The following AP3S1 variants were observed in gnomAD, a reference collection of about 807,000 sequenced individuals.
The protein encoded by AP3S1 is AP-3 complex subunit sigma-1.
AP3S1 carries 12 observed loss-of-function variants against 21.3 expected under a neutral mutation model. That is an observed-to-expected ratio of 0.56 (90% CI 0.36 to 0.91). AP3S1 has a LOEUF of 0.91. Among genes scored for constraint, AP3S1 ranks in the 40% least tolerant of loss-of-function variants. The pLI is 0.01. For synonymous variants in AP3S1, 48 were observed against 78.4 expected (o/e 0.61, Z 2.05); for missense variants, 116 against 225.0 (o/e 0.52, Z 3.10).
At chr5:115,900,303 A>G (rs200334913) in intron 4 of AP3S1, among the ~76,000 whole-genome samples, 1 of 152,186 alleles carries the variant, frequency 6.6e-6, no homozygotes, top group East Asian at 1.9e-4. Context: ...AATTTTTAAT[A>G]TATTTGATTT....
At chr5:115,870,361 C>T (rs1006194135) in intron 3 of AP3S1, among the ~76,000 whole-genome samples, 4 of 152,120 alleles carry the variant, frequency 2.6e-5, no homozygotes, top group African/African-American at 9.7e-5. Context: ...ATGTAAGTTA[C>T]AGCAAGGAGC....
At chr5:115,884,605 A>G (rs1357407417) in intron 3 of AP3S1, among the ~76,000 whole-genome samples, 2 of 152,196 alleles carry the variant, frequency 1.3e-5, no homozygotes. Context: ...ATCCCATTCC[A>G]ATTGGATATT....
At chr5:115,902,032 GTC>G (rs1489579083) in intron 4 of AP3S1, among the ~76,000 whole-genome samples, 2 of 152,000 alleles carry the variant, frequency 1.3e-5, no homozygotes, top group East Asian at 3.9e-4. Context: ...TATTATTTCT[GTC>G]TCTATTTCGT....
chr5:115,846,077 T>C (rs1025062918), intron 1 of AP3S1, among the ~76,000 whole-genome samples: 7 of 152,310 alleles, frequency 4.6e-5, no homozygotes, highest in African/African-American at 9.6e-5. Flanking sequence ...ATGAGACTTA[T>C]ATTTTATAAA....
At chr5:115,899,328 G>C (rs1337119396) in intron 4 of AP3S1, among the ~76,000 whole-genome samples, 1 of 152,162 alleles carries the variant, frequency 6.6e-6, no homozygotes, top group East Asian at 1.9e-4. Context: ...AGCACAGTAA[G>C]CCAATAGAAA....
At chr5:115,904,852 A>C (rs1751504545) in intron 5 of AP3S1, among the ~76,000 whole-genome samples, 1 of 152,242 alleles carries the variant, frequency 6.6e-6, no homozygotes, top group African/African-American at 2.4e-5. Flanking sequence ...AGGGACAAAC[A>C]GTGATGCAAT....
chr5:115,911,673 T>A (rs1752121894), intron 5 of AP3S1, among the ~76,000 whole-genome samples: 1 of 152,042 alleles, frequency 6.6e-6, no homozygotes, highest in Admixed American at 6.6e-5. Flanking sequence ...CAACCCACTC[T>A]AAATTTTGGT....
chr5:115,879,152 G>A (rs1580686792), intron 3 of AP3S1, among the ~76,000 whole-genome samples: 1 of 152,144 alleles, frequency 6.6e-6, no homozygotes, highest in East Asian at 1.9e-4. Context: ...AACAGAGACA[G>A]TTTGACTTTC....
chr5:115,882,540 G>A (rs886162839), intron 3 of AP3S1, among the ~76,000 whole-genome samples: 3 of 152,194 alleles, frequency 2.0e-5, no homozygotes, highest in African/African-American at 7.2e-5. Flanking sequence ...CTGCAGAACA[G>A]CAAAGATTGC....
chr5:115,883,588 G>A lies in AP3S1; in HGVS notation c.274-11499G>A, dbSNP rs142821877. Among the ~76,000 whole-genome samples, 952 of 152,324 alleles carry A rather than the reference G, an allele frequency of 6.2e-3. 10 individuals are homozygous for A. The highest frequency in any genetic ancestry group is 0.022 in the African/African-American group (909 of 41,566). ...GCCAGGTACCTCGGTTGGAAATGCA[G>A]AAATCACCCGCCTTCTGCGTTGATC... On this transcript the variant is annotated intron_variant, in intron 3 of 5. Coordinates refer to ENST00000316788, the MANE Select transcript of AP3S1 (RefSeq NM_001284.4).
intron 1 of AP3S1, among the ~76,000 whole-genome samples, chr5:115,847,297 T>C (rs1580606143): frequency 6.6e-6 from 1 of 152,190 alleles, no homozygotes; most frequent in South Asian, 2.1e-4. Flanking sequence ...GGGTCTGCTA[T>C]TTCTTCTTCT....
intron 1 of AP3S1, among the ~76,000 whole-genome samples, chr5:115,843,977 G>T (rs1761863574): frequency 6.6e-6 from 1 of 152,198 alleles, no homozygotes; most frequent in South Asian, 2.1e-4. Context: ...GCCACTGAGG[G>T]CACAGAGCTA....
At chr5:115,860,316 C>G (rs1763082442) in intron 1 of AP3S1, among the ~76,000 whole-genome samples, 1 of 152,218 alleles carries the variant, frequency 6.6e-6, no homozygotes, top group African/African-American at 2.4e-5. Flanking sequence ...TTAATCACAT[C>G]TGCAAAGGCA....
In AP3S1 at chr5:115,868,228, C is replaced by G. The variant is rs561130800; in HGVS notation, c.161+1467C>G. 1.2e-4 allele frequency among the ~76,000 whole-genome samples: 19 copies of G among 152,204 alleles called. No individual in the cohort carries two copies. In the South Asian group the frequency reaches 2.5e-3, roughly 20 times the overall value. ...TGCTTGCTTTTAATAGCATTACTGGCCTTTTTGAAACTTATATTCTTCAGA... is the reference window on the plus strand; with the variant it reads ...TGCTTGCTTTTAATAGCATTACTGGGCTTTTTGAAACTTATATTCTTCAGA... On this transcript the variant is annotated intron_variant, in intron 2 of 5. Transcript: ENST00000316788.
At chr5:115,849,799 T>TA (rs1762311216) in intron 1 of AP3S1, among the ~76,000 whole-genome samples, 1 of 151,976 alleles carries the variant, frequency 6.6e-6, no homozygotes, top group Non-Finnish European at 1.5e-5. Context: ...GGTGTGTGCC[T>TA]ATAGTCCCAG....
chr5:115,845,065 G>A (rs896495484), intron 1 of AP3S1, among the ~76,000 whole-genome samples: 2 of 152,134 alleles, frequency 1.3e-5, no homozygotes, highest in African/African-American at 2.4e-5. Flanking sequence ...CTAACTAGAG[G>A]TTTTAAGAAT....
intron 5 of AP3S1, among the ~76,000 whole-genome samples, chr5:115,911,713 T>C (rs1001315903): frequency 2.6e-5 from 4 of 151,896 alleles, no homozygotes; most frequent in African/African-American, 9.7e-5. Context: ...AACGATCAAA[T>C]TAAAGACCCT....
chr5:115,895,268 A>G, intron 4 of AP3S1, 110 bp downstream of exon 4: 1 of 739,214 alleles, frequency 1.4e-6, no homozygotes. Context: ...TTTATTATTC[A>G]ATTCATAATT....
At chr5:115,870,194 T>G in intron 3 of AP3S1, 66 bp downstream of exon 3, 1 of 1,000,654 alleles carries the variant, frequency 1.0e-6, no homozygotes, top group Non-Finnish European at 1.5e-6. Context: ...TAAAAACTTA[T>G]ATATTCTAAA....
Sources: gnomAD v4.1 joint callset for allele counts (sites outside exome capture counted in the v4.1 genomes callset) on GRCh38, gnomAD v4.1.1 for gene constraint, MANE v1.5 for transcripts, NCBI Gene and HGNC (gene_info 2026-07-23, HGNC 2026-07-21) for gene names.